The following NR4A1 variants were observed in gnomAD, a reference collection of about 807,000 sequenced individuals.
NR4A1 encodes the protein nuclear receptor subfamily 4immunitygroup A member 1.
Under a neutral mutation model 47.5 loss-of-function variants are expected in NR4A1, and 24 were observed. The observed-to-expected ratio is 0.50, with a 90% CI of 0.37 to 0.71. The LOEUF is 0.71. Ranked by LOEUF, NR4A1 falls within the 30% of genes least tolerant of loss-of-function variation. NR4A1 has a pLI of 0.00. For synonymous variants in NR4A1, 353 were observed against 345.7 expected, an observed-to-expected ratio of 1.02 and a Z score of -0.24; for missense variants, 669 against 788.6, an observed-to-expected ratio of 0.85 and a Z score of 1.82.
intron 3 of NR4A1, 140 bp from the exon 4 acceptor site, chr12:52,056,354 C>T: frequency 1.4e-6 from 2 of 1,385,966 alleles, no homozygotes; most frequent in Non-Finnish European, 1.9e-6. Flanking sequence ...GGGGGAGGTT[C>T]CTATAGGGTA....
intron 1 of NR4A1, chr12:52,038,684 C>A (rs755704253): frequency 1.6e-5 from 12 of 762,904 alleles, no homozygotes; most frequent in Non-Finnish European, 2.6e-5. Flanking sequence ...CAGCTGACTC[C>A]GTGTAGTCAT....
intron 1 of NR4A1, among the ~76,000 whole-genome samples, chr12:52,025,909 C>T (rs1476845317): frequency 1.3e-5 from 2 of 152,354 alleles, no homozygotes; most frequent in African/African-American, 2.4e-5. Flanking sequence ...GCCCACAGGC[C>T]TCTCCTCCCA....
chr12:52,036,782 C>T (rs1294776395), intron 1 of NR4A1, among the ~76,000 whole-genome samples: 1 of 150,104 alleles, frequency 6.7e-6, no homozygotes, highest in African/African-American at 2.5e-5. Context: ...GCCCTGTCCT[C>T]GCCAGCAGCC....
At chr12:52,027,672 A>C (rs1365063145) in intron 1 of NR4A1, among the ~76,000 whole-genome samples, 5 of 152,164 alleles carry the variant, frequency 3.3e-5, no homozygotes, top group Non-Finnish European at 5.9e-5. Flanking sequence ...GTGTCATTCC[A>C]GGGCTGCACT....
At chr12:52,040,417 G>A (rs560799915) in intron 1 of NR4A1, among the ~76,000 whole-genome samples, 65 of 152,254 alleles carry the variant, frequency 4.3e-4, no homozygotes, top group African/African-American at 1.5e-3. Context: ...CAGCAGTGGG[G>A]TGGTAGGGAG....
chr12:52,052,265 TCA>T (rs147444803), intron 1 of NR4A1, among the ~76,000 whole-genome samples: 15,623 of 131,806 alleles, frequency 0.12, 1,262 homozygotes, highest in African/African-American at 0.25. Flanking sequence ...GGGGCTTGGA[TCA>T]CGTGTGTGTG....
rs751981999 is a variant in NR4A1 at position 52,057,548 on chromosome 12, C to T, written c.1540+18C>T. On this transcript the variant is annotated intron_variant, in intron 6 of 6. Coordinates refer to ENST00000394825, the MANE Select transcript of NR4A1 (RefSeq NM_173157.3). The stretch of plus-strand genomic sequence containing the variant: ...CATCACCGGTGAGTGACCAGCACCA[C>T]ACCAGGTCCAAGGGAATGGGCGTCA... 7 of 1,613,142 alleles carry T rather than the reference C, an allele frequency of 4.3e-6. No individual in the cohort carries two copies. The highest frequency in any genetic ancestry group is 1.1e-5 in the South Asian group (1 of 91,006).
At chr12:52,039,387 A>C (rs1938355639) in intron 1 of NR4A1, among the ~76,000 whole-genome samples, 1 of 152,176 alleles carries the variant, frequency 6.6e-6, no homozygotes. Flanking sequence ...AAAGACTAAA[A>C]TACTTGCTAG....
At chr12:52,041,507 G>A (rs963293926) in intron 1 of NR4A1, among the ~76,000 whole-genome samples, 3 of 152,144 alleles carry the variant, frequency 2.0e-5, no homozygotes, top group Non-Finnish European at 2.9e-5. Context: ...GTCAAAGGCC[G>A]AGAGCCAGGA....
chr12:52,046,772 A>C (rs912868192), upstream of NR4A1, among the ~76,000 whole-genome samples: 1 of 152,216 alleles, frequency 6.6e-6, no homozygotes, highest in African/African-American at 2.4e-5. Context: ...TCACGAGGTC[A>C]GGAGATCGAG....
chr12:52,044,500 G>A (rs1359390330), intron 2 of NR4A1, among the ~76,000 whole-genome samples: 1 of 152,210 alleles, frequency 6.6e-6, no homozygotes, highest in Non-Finnish European at 1.5e-5. Context: ...GCATGGAACA[G>A]GCAGCAGCTC....
In NR4A1 at chr12:52,054,568, AGCCTCCTCCTCG is replaced by A. The variant is rs1565651534; in HGVS notation, c.250_261del (p.Ser84_Ser87del). The A allele has an allele frequency of 2.5e-6, 4 of 1,614,046 alleles. No homozygotes were observed. Among genetic ancestry groups the A allele is most frequent in the South Asian group, 1.1e-5 (1 of 91,080 alleles). On this transcript the variant is annotated inframe_deletion, in exon 2 of 7. Coordinates refer to ENST00000394825, the MANE Select transcript of NR4A1 (RefSeq NM_173157.3). The stretch of plus-strand genomic sequence containing the variant: ...CAGGAACAGTCCAGCCATGCTCCTC[AGCCTCCTCCTCG>A]GCCTCCTCCACATCCTCGTCCTCAG...
chr12:52,058,417 A>C, intron 6 of NR4A1: 1 of 488,994 alleles, frequency 2.0e-6, no homozygotes, highest in Non-Finnish European at 3.6e-6. Context: ...CAGAAAACGT[A>C]GGTTAGGATT....
At chr12:52,035,932 G>A (rs1004980572) in intron 1 of NR4A1, among the ~76,000 whole-genome samples, 4 of 152,124 alleles carry the variant, frequency 2.6e-5, no homozygotes, top group African/African-American at 9.7e-5. Context: ...CCTGGGCTGG[G>A]TGCTGGAGAT....
chr12:52,050,226 A>G (rs1399987646), upstream of NR4A1, among the ~76,000 whole-genome samples: 1 of 152,234 alleles, frequency 6.6e-6, no homozygotes, highest in Non-Finnish European at 1.5e-5. Flanking sequence ...TGTGCCCAGC[A>G]GGGCCCTGGC....
chr12:52,054,840 G>A lies in NR4A1; in HGVS notation c.512G>A (p.Arg171Gln), dbSNP rs756045788. ...CCCAGCCAGACTTACGAAGGCCTGCGGGCATGGACAGAGCAGCTGCCCAAA... is the reference window on the plus strand; with the variant it reads ...CCCAGCCAGACTTACGAAGGCCTGCAGGCATGGACAGAGCAGCTGCCCAAA... ...FSPSQTYEGLRAWTEQLPKAS... is the reference protein window; with the variant it reads ...FSPSQTYEGLQAWTEQLPKAS... Residue 171 changes from arginine (R) to glutamine (Q), a missense_variant, in exon 2 of 7, where the codon CGG (arginine) becomes CAG (glutamine). Transcript: ENST00000394825. 24 of 1,613,776 alleles carry A rather than the reference G, an allele frequency of 1.5e-5. No individual in the cohort carries two copies. Among genetic ancestry groups the A allele is most frequent in the African/African-American group, 4.0e-5 (3 of 75,036 alleles).
chr12:52,055,081 C>T lies in NR4A1; in HGVS notation c.753C>T (p.Thr251=), dbSNP rs752940507. The T allele has an allele frequency of 1.3e-5, 21 of 1,614,268 alleles. No individual in the cohort carries two copies. Among genetic ancestry groups the T allele is most frequent in the Middle Eastern group, 3.3e-4 (2 of 6,060 alleles). ...CGGGGATACTGGATACACCCGTGAC[C>T]TCAACCAAGGCCCGGAGCGGGGCCC... ...EGSGILDTPV[T]STKARSGAPG... The change falls in exon 2 of 7, where the codon ACC becomes ACT. Residue 251 remains threonine (T), a synonymous_variant. Coordinates refer to ENST00000394825, the MANE Select transcript of NR4A1 (RefSeq NM_173157.3).
chr12:52,024,961 C>G (rs551874211), intron 1 of NR4A1, among the ~76,000 whole-genome samples: 2 of 152,272 alleles, frequency 1.3e-5, no homozygotes, highest in East Asian at 3.9e-4. Context: ...GGTTAGGGCT[C>G]TCCTTTTGCT....
Position 52,057,397 on chromosome 12 carries a change from G to A in NR4A1, c.1407G>A (p.Val469=), listed in dbSNP as rs759594053. 2 of 1,614,112 alleles carry A rather than the reference G, an allele frequency of 1.2e-6. No homozygotes were observed. The highest frequency in any genetic ancestry group is 1.7e-6 in the Non-Finnish European group (2 of 1,180,062). The change falls in exon 6 of 7, where the codon GTG becomes GTA. Residue 469 remains valine (V), a synonymous_variant. Coordinates refer to ENST00000394825, the MANE Select transcript of NR4A1 (RefSeq NM_173157.3). Reference sequence around the variant, plus strand: ...AGCTCATCTTCTGCTCAGGCCTGGTGCTACACCGGCTGCAGTGTGCCCGTG... The same window carrying A: ...AGCTCATCTTCTGCTCAGGCCTGGTACTACACCGGCTGCAGTGTGCCCGTG... ...EGKLIFCSGL[V]LHRLQCARGF...
Sources: gnomAD v4.1 joint callset for allele counts (sites outside exome capture counted in the v4.1 genomes callset) on GRCh38, gnomAD v4.1.1 for gene constraint, MANE v1.5 for transcripts, NCBI Gene and HGNC (gene_info 2026-07-23, HGNC 2026-07-21) for gene names.